APP: variants seen among roughly 807,000 people sequenced by gnomAD.
The protein encoded by APP is amyloid beta precursor protein.
In APP, 31 loss-of-function variants were observed where a neutral mutation model predicts 101.4. The observed-to-expected ratio is 0.31, with a 90% CI of 0.23 to 0.41. The LOEUF (loss-of-function observed/expected upper bound fraction) is 0.41, where lower values mean the gene tolerates loss of function less well. Among genes scored for constraint, APP ranks in the 10% least tolerant of loss-of-function variants. The pLI, the probability that APP is intolerant of heterozygous loss-of-function variation, is 1.00. For missense variants in APP, 839 were observed against 1,003.7 expected, an observed-to-expected ratio of 0.84 and a Z score of 2.22; for synonymous variants, 366 against 364.4, an observed-to-expected ratio of 1.00 and a Z score of -0.05.
chr21:25,923,058 C>G (rs2039701731), intron 13 of APP, among the ~76,000 whole-genome samples: 1 of 141,170 alleles, frequency 7.1e-6, no homozygotes, highest in Non-Finnish European at 1.5e-5. Context: ...CAGAACAGAG[C>G]CCTCAGAAAT....
chr21:25,910,513 T>TA (rs993141277), intron 14 of APP, among the ~76,000 whole-genome samples: 1 of 152,208 alleles, frequency 6.6e-6, no homozygotes, highest in Admixed American at 6.5e-5. Flanking sequence ...GTTGTGTTCT[T>TA]AAAAAACATG....
At chr21:26,116,919 C>T (rs13048354) in intron 1 of APP, among the ~76,000 whole-genome samples, 97,973 of 151,956 alleles carry the variant, frequency 0.64, 32,077 homozygotes, top group South Asian at 0.76. Flanking sequence ...TCACACTCCA[C>T]CACCCAGACT....
At chr21:26,013,696 G>A (rs2043922408) in intron 6 of APP, among the ~76,000 whole-genome samples, 1 of 151,880 alleles carries the variant, frequency 6.6e-6, no homozygotes, top group Non-Finnish European at 1.5e-5. Flanking sequence ...GCCCAGGCTG[G>A]TGTCAAATGT....
At chr21:26,057,159 T>C (rs555180821) in intron 3 of APP, among the ~76,000 whole-genome samples, 41 of 152,374 alleles carry the variant, frequency 2.7e-4, no homozygotes, top group African/African-American at 9.1e-4. Flanking sequence ...AAGCCTATGA[T>C]CGTATATACC....
chr21:25,931,031 T>C (rs913434774), intron 13 of APP, among the ~76,000 whole-genome samples: 7 of 152,206 alleles, frequency 4.6e-5, no homozygotes, highest in Admixed American at 4.6e-4. Flanking sequence ...CACTTTATCA[T>C]AAACTAGTGA....
At chr21:26,048,337 A>T (rs572583915) in intron 5 of APP, among the ~76,000 whole-genome samples, 2 of 152,114 alleles carry the variant, frequency 1.3e-5, no homozygotes, top group African/African-American at 4.8e-5. Context: ...AAAGAAAACG[A>T]AAAAGTATGT....
intron 1 of APP, among the ~76,000 whole-genome samples, chr21:26,144,381 T>C (rs868373542): frequency 5.3e-5 from 8 of 152,318 alleles, no homozygotes; most frequent in South Asian, 2.1e-4. Flanking sequence ...ACCAAGTTAG[T>C]ACCTGGTTTC....
chr21:26,088,620 G>C (rs2061752400), intron 3 of APP, among the ~76,000 whole-genome samples: 1 of 152,154 alleles, frequency 6.6e-6, no homozygotes, highest in Non-Finnish European at 1.5e-5. Context: ...AACTAAGTGA[G>C]TATAAAATAC....
chr21:25,882,942 C>T (rs544569986), intron 17 of APP, among the ~76,000 whole-genome samples: 6 of 152,132 alleles, frequency 3.9e-5, no homozygotes, highest in Non-Finnish European at 5.9e-5. Flanking sequence ...TTTCCCCCTA[C>T]ACACCCCATC....
chr21:25,921,607 A>T (rs1192276548), intron 13 of APP, among the ~76,000 whole-genome samples: 1 of 144,024 alleles, frequency 6.9e-6, no homozygotes, highest in Non-Finnish European at 1.5e-5. Context: ...CCTCTACACA[A>T]ATAAACTAGA....
At chr21:25,975,904 A>G (rs2042205691) in intron 10 of APP, 50 bp downstream of exon 10, 7 of 1,487,518 alleles carry the variant, frequency 4.7e-6, no homozygotes, top group Admixed American at 3.3e-5. Flanking sequence ...ACACTCATTA[A>G]AAAGACTGCT....
In APP at chr21:26,170,728, G is replaced by T. The variant is rs1232473499; in HGVS notation, c.-108C>A. 3 of 1,181,958 alleles carry T rather than the reference G, an allele frequency of 2.5e-6. No homozygotes were observed. Among genetic ancestry groups the T allele is most frequent in the African/African-American group, 1.6e-5 (1 of 61,888 alleles). The allele number at this position is 1,181,958 out of a possible 1,614,324, so 73.2% of individuals were successfully genotyped here. The stretch of plus-strand genomic sequence containing the variant: ...GCCGTCTCCCGGGGCCCCCGCGCAC[G>T]CTCCTCCGCGTGCTCTCGCCTACCG... On this transcript the variant is annotated 5_prime_UTR_variant, in exon 1 of 18. Coordinates refer to ENST00000346798, the MANE Select transcript of APP (RefSeq NM_000484.4).
intron 13 of APP, among the ~76,000 whole-genome samples, 185 bp from the exon 14 acceptor site, chr21:25,912,147 G>A (rs1424331838): frequency 3.3e-5 from 5 of 152,198 alleles, no homozygotes; most frequent in African/African-American, 1.2e-4. Flanking sequence ...GAGGCACATG[G>A]CATTCAAGCT....
chr21:26,111,381 C>T (rs1209274398), intron 2 of APP, among the ~76,000 whole-genome samples: 1 of 152,038 alleles, frequency 6.6e-6, no homozygotes, highest in Non-Finnish European at 1.5e-5. Context: ...AAAATTAATG[C>T]TAGCACTTTT....
rs545905023 is a variant in APP at position 26,021,742 on chromosome 21, T to C, written c.865+98A>G. 89 of 1,485,510 alleles carry C rather than the reference T, an allele frequency of 6.0e-5. 2 individuals carry two copies. The South Asian group carries it at 1.0e-3, about 17-fold the overall frequency. The allele number at this position is 1,485,510 out of a possible 1,614,324, so 92.0% of individuals were successfully genotyped here. A position where few individuals can be genotyped will look rare whatever the true frequency, so the allele number is the denominator to read the frequency against. On this transcript the variant is annotated intron_variant, in intron 6 of 17. Coordinates refer to ENST00000346798, the MANE Select transcript of APP (RefSeq NM_000484.4). ...TTTGGAAAAAAAAACATGTTTTTGA[T>C]TGGGGAAGGCAGTGGTGCTAGGGTG...
At chr21:26,038,411 AG>A (rs1400417508) in intron 5 of APP, among the ~76,000 whole-genome samples, 1 of 152,152 alleles carries the variant, frequency 6.6e-6, no homozygotes, top group Non-Finnish European at 1.5e-5. Context: ...TTGAGCCCCA[AG>A]GAGAGTCTTT....
At chr21:25,910,379 C>T (rs924617661) in intron 14 of APP, among the ~76,000 whole-genome samples, 4 of 152,180 alleles carry the variant, frequency 2.6e-5, no homozygotes, top group African/African-American at 9.6e-5. Flanking sequence ...ATCTGCCCAC[C>T]TCAGCCTCCC....
intron 8 of APP, 111 bp downstream of exon 8, chr21:25,997,249 A>T: frequency 9.7e-7 from 1 of 1,027,312 alleles, no homozygotes; most frequent in South Asian, 1.3e-5. Context: ...TTACTAAGAC[A>T]GGTGTTCAAG....
chr21:26,003,343 G>C (rs776521382), intron 6 of APP, among the ~76,000 whole-genome samples: 22 of 152,238 alleles, frequency 1.4e-4, no homozygotes, highest in African/African-American at 2.2e-4. Context: ...GCCAAGAAAA[G>C]AGTGAGTTAG....
Sources: allele counts gnomAD v4.1 joint callset (sites outside exome capture counted in the v4.1 genomes callset), GRCh38; gene constraint gnomAD v4.1.1; transcripts MANE v1.5; gene names NCBI Gene and HGNC (gene_info 2026-07-23, HGNC 2026-07-21).